DCLK1: variants seen among roughly 807,000 people sequenced by gnomAD.
DCLK1 encodes the protein doublecortin like kinase 1, also known as serine/threonine-protein kinase DCLK1.
A neutral mutation model predicts 86.2 loss-of-function variants in DCLK1; 16 were observed. The ratio of observed to expected loss-of-function variants is 0.19; its 90% confidence interval spans 0.13 to 0.28. DCLK1 has a LOEUF of 0.28. Ranked by LOEUF, DCLK1 falls within the 10% of genes least tolerant of loss-of-function variation. The pLI is 1.00. For missense variants in DCLK1, 590 were observed against 940.2 expected (o/e 0.63, Z 4.87); for synonymous variants, 369 against 370.5 (o/e 1.00, Z 0.05).
chr13:36,101,314 G>C (rs1885210268), intron 3 of DCLK1, among the ~76,000 whole-genome samples: 1 of 152,152 alleles, frequency 6.6e-6, no homozygotes, highest in Non-Finnish European at 1.5e-5. Flanking sequence ...CCCTCCACGT[G>C]AGGCAGCCCA....
intron 3 of DCLK1, among the ~76,000 whole-genome samples, chr13:36,005,608 T>C (rs1222161522): frequency 2.0e-5 from 3 of 152,172 alleles, no homozygotes; most frequent in Non-Finnish European, 2.9e-5. Context: ...CAGGGAAATA[T>C]GCTATTCAAC....
At chr13:36,046,307 A>T (rs1882912670) in intron 3 of DCLK1, among the ~76,000 whole-genome samples, 1 of 152,230 alleles carries the variant, frequency 6.6e-6, no homozygotes, top group South Asian at 2.1e-4. Flanking sequence ...ATCATCCAAC[A>T]GCATCTGAGT....
intron 6 of DCLK1, among the ~76,000 whole-genome samples, chr13:35,851,415 G>C (rs1870626247): frequency 6.6e-6 from 1 of 151,934 alleles, no homozygotes; most frequent in South Asian, 2.1e-4. Flanking sequence ...GATCTCGGTT[G>C]GTAGCCAGGC....
chr13:35,853,331 C>CGGCCAT, intron 6 of DCLK1, among the ~76,000 whole-genome samples: 1 of 152,322 alleles, frequency 6.6e-6, no homozygotes, highest in Non-Finnish European at 1.5e-5. Flanking sequence ...TAAGATACCA[C>CGGCCAT]GGCCATTTAG....
At chr13:35,962,080 T>A (rs1382033689) in intron 3 of DCLK1, among the ~76,000 whole-genome samples, 1 of 152,194 alleles carries the variant, frequency 6.6e-6, no homozygotes, top group Non-Finnish European at 1.5e-5. Context: ...TCAAGAAGTG[T>A]CTATATGAAA....
intron 6 of DCLK1, chr13:35,846,576 A>G: frequency 1.0e-6 from 1 of 985,326 alleles, no homozygotes; most frequent in South Asian, 4.7e-5. Flanking sequence ...TCTTTTTTCC[A>G]CATGCATAAC....
At chr13:35,787,073 C>CAT (rs1029598015) in intron 16 of DCLK1, among the ~76,000 whole-genome samples, 36 of 149,874 alleles carry the variant, frequency 2.4e-4, no homozygotes, top group East Asian at 1.6e-3. Flanking sequence ...GGGCTAAAAT[C>CAT]ATATATATAT....
In DCLK1 at chr13:36,060,228, T is replaced by C. The variant is rs74044335; in HGVS notation, c.723+51641A>G. 6.7e-3 allele frequency among the ~76,000 whole-genome samples: 1,023 copies of C among 152,314 alleles called. 18 individuals carry two copies. The highest frequency in any genetic ancestry group is 0.024 in the African/African-American group (985 of 41,566). On this transcript the variant is annotated intron_variant, in intron 3 of 16. Coordinates refer to ENST00000360631, the MANE Select transcript of DCLK1 (RefSeq NM_001330071.2). ...TCAATTCACATGAGCTATCTATACA[T>C]GAACATGTGTTTTTGGTCTAAATTC...
chr13:35,803,574 T>C (rs1319403931), intron 15 of DCLK1, among the ~76,000 whole-genome samples: 5 of 152,174 alleles, frequency 3.3e-5, no homozygotes. Context: ...CATTCAGACA[T>C]GTAGAATGCT....
intron 4 of DCLK1, among the ~76,000 whole-genome samples, chr13:35,907,930 T>C (rs896095008): frequency 6.6e-6 from 1 of 151,820 alleles, no homozygotes; most frequent in Non-Finnish European, 1.5e-5. Flanking sequence ...ATTATTATTA[T>C]ATAAATTATC....
chr13:36,092,794 C>G (rs1201724892), intron 3 of DCLK1, among the ~76,000 whole-genome samples: 1 of 152,128 alleles, frequency 6.6e-6, no homozygotes, highest in Non-Finnish European at 1.5e-5. Flanking sequence ...CCGCGAGAGG[C>G]GTTTTCTTTC....
intron 3 of DCLK1, among the ~76,000 whole-genome samples, chr13:35,950,825 C>A (rs78245926): frequency 6.6e-6 from 1 of 152,122 alleles, no homozygotes; most frequent in Non-Finnish European, 1.5e-5. Flanking sequence ...TTGTCAGAGC[C>A]TGCTCTTCTC....
chr13:35,844,252 A>G (rs1479163920), intron 6 of DCLK1, among the ~76,000 whole-genome samples: 3 of 152,160 alleles, frequency 2.0e-5, no homozygotes, highest in Non-Finnish European at 4.4e-5. Flanking sequence ...TAATTTTTTC[A>G]AAAGACTAGA....
intron 4 of DCLK1, among the ~76,000 whole-genome samples, chr13:35,901,210 G>A (rs1874335113): frequency 6.6e-6 from 1 of 152,086 alleles, no homozygotes; most frequent in South Asian, 2.1e-4. Flanking sequence ...GACTTGGCCA[G>A]GCATGGTGGC....
At chr13:36,080,602 A>G (rs746600594) in intron 3 of DCLK1, among the ~76,000 whole-genome samples, 1 of 152,168 alleles carries the variant, frequency 6.6e-6, no homozygotes, top group Non-Finnish European at 1.5e-5. Context: ...GTCCCGAAAT[A>G]TTCTATGTAA....
At chr13:36,000,297 C>T (rs751747938) in intron 3 of DCLK1, among the ~76,000 whole-genome samples, 20 of 152,082 alleles carry the variant, frequency 1.3e-4, no homozygotes, top group Admixed American at 3.3e-4. Context: ...AACTTAAGGA[C>T]GGAAACCAAG....
intron 16 of DCLK1, among the ~76,000 whole-genome samples, chr13:35,789,530 C>T (rs2086676557): frequency 6.6e-6 from 1 of 152,166 alleles, no homozygotes; most frequent in Non-Finnish European, 1.5e-5. Context: ...GGCAAAGTGT[C>T]ATATAACAGG....
At chr13:35,811,041 AC>A in intron 11 of DCLK1, 73 bp from the exon 12 acceptor site, 1 of 1,586,428 alleles carries the variant, frequency 6.3e-7, no homozygotes, top group Non-Finnish European at 8.6e-7. Flanking sequence ...GAAATGAGGA[AC>A]ACTGTGTTTA....
chr13:35,912,455 G>C (rs750768015), intron 4 of DCLK1, among the ~76,000 whole-genome samples: 9 of 152,126 alleles, frequency 5.9e-5, no homozygotes, highest in Non-Finnish European at 1.2e-4. Context: ...TCAGCTGGCA[G>C]AAGAGAGAAG....
Sources: gnomAD v4.1 joint callset for allele counts (sites outside exome capture counted in the v4.1 genomes callset) on GRCh38, gnomAD v4.1.1 for gene constraint, MANE v1.5 for transcripts, NCBI Gene and HGNC (gene_info 2026-07-23, HGNC 2026-07-21) for gene names.